Variants in UNC13C observed in about 807,000 individuals in gnomAD.
UNC13C encodes the protein unc-13 homolog C, also known as protein unc-13 homolog C.
In UNC13C, 174 loss-of-function variants were observed where a neutral mutation model predicts 245.4. The ratio of observed to expected loss-of-function variants is 0.71; its 90% CI spans 0.63 to 0.80. The LOEUF is 0.80. Among genes scored for constraint, UNC13C ranks in the 30% least tolerant of loss-of-function variants. UNC13C has a pLI of 0.00. For synonymous variants in UNC13C, 992 were observed against 895.1 expected, an observed-to-expected ratio of 1.11 and a Z score of -1.93; for missense variants, 2,829 against 2,602.9, an observed-to-expected ratio of 1.09 and a Z score of -1.89.
At chr15:54,268,541 G>A (rs546974762) in intron 10 of UNC13C, among the ~76,000 whole-genome samples, 8 of 152,018 alleles carry the variant, frequency 5.3e-5, no homozygotes, top group Non-Finnish European at 1.2e-4. Flanking sequence ...GCTGGATATC[G>A]TAGCATCCTA....
chr15:54,558,331 C>T (rs1897170734), intron 29 of UNC13C, among the ~76,000 whole-genome samples: 1 of 151,908 alleles, frequency 6.6e-6, no homozygotes, highest in Non-Finnish European at 1.5e-5. Flanking sequence ...TTTCCGAGGC[C>T]ATAGCTCTGC....
At chr15:54,586,204 A>G (rs956362574) in intron 30 of UNC13C, among the ~76,000 whole-genome samples, 2 of 152,228 alleles carry the variant, frequency 1.3e-5, no homozygotes, top group African/African-American at 4.8e-5. Context: ...TCTAAAGTAA[A>G]TACCCTAAGA....
intron 2 of UNC13C, among the ~76,000 whole-genome samples, chr15:54,030,022 A>C (rs1456020573): frequency 1.6e-4 from 25 of 152,146 alleles, no homozygotes; most frequent in Admixed American, 1.6e-3. Flanking sequence ...CAGCACACTG[A>C]ACCCAAGTCT....
chr15:54,427,382 T>C (rs1275380058), intron 19 of UNC13C, among the ~76,000 whole-genome samples: 2 of 151,812 alleles, frequency 1.3e-5, no homozygotes, highest in Non-Finnish European at 2.9e-5. Flanking sequence ...GAAGTGCCTT[T>C]CTCTTCCCAC....
intron 24 of UNC13C, among the ~76,000 whole-genome samples, chr15:54,514,849 T>C (rs1438349682): frequency 6.6e-6 from 1 of 152,166 alleles, no homozygotes; most frequent in Non-Finnish European, 1.5e-5. Context: ...TTGTTGACAA[T>C]GGTTCCAAAA....
At chr15:54,269,049 T>A (rs1567148194) in intron 10 of UNC13C, among the ~76,000 whole-genome samples, 1 of 151,070 alleles carries the variant, frequency 6.6e-6, no homozygotes. Flanking sequence ...TTTTTTTAAT[T>A]TTTTATTTTA....
chr15:54,549,612 T>A (rs1896643601), intron 27 of UNC13C, 23 bp from the exon 28 acceptor site: 5 of 1,575,882 alleles, frequency 3.2e-6, no homozygotes, highest in Non-Finnish European at 4.3e-6. Flanking sequence ...CTGAGTCTTC[T>A]CTCACTTTTT....
chr15:54,546,667 T>C, intron 26 of UNC13C, 55 bp from the exon 27 acceptor site: 3 of 1,195,792 alleles, frequency 2.5e-6, no homozygotes, highest in Non-Finnish European at 3.3e-6. Context: ...AAGGCCTAAA[T>C]TGATACCTTG....
chr15:54,154,590 A>G (rs2032661425), intron 4 of UNC13C, among the ~76,000 whole-genome samples: 1 of 152,200 alleles, frequency 6.6e-6, no homozygotes, highest in Admixed American at 6.5e-5. Flanking sequence ...GTTATTTCTC[A>G]TCCATGCAAC....
At chr15:54,525,431 G>T in intron 24 of UNC13C, 118 bp from the exon 25 acceptor site, 12 of 510,840 alleles carry the variant, frequency 2.3e-5, no homozygotes, top group Non-Finnish European at 3.8e-5. Context: ...AAAAAAAGAA[G>T]AGAAAAAAGC....
chr15:54,225,268 G>A (rs116224217), intron 4 of UNC13C, among the ~76,000 whole-genome samples: 3,169 of 151,508 alleles, frequency 0.021, 111 homozygotes, highest in African/African-American at 0.074. Context: ...TGTTCTTTTC[G>A]CTTAGGATAG....
intron 13 of UNC13C, among the ~76,000 whole-genome samples, chr15:54,318,576 T>A (rs2038068565): frequency 6.6e-6 from 1 of 151,950 alleles, no homozygotes; most frequent in Non-Finnish European, 1.5e-5. Context: ...TCGGATTATT[T>A]GTTTTCTTGC....
chr15:54,423,996 G>A (rs2040705609), intron 19 of UNC13C, among the ~76,000 whole-genome samples: 1 of 151,652 alleles, frequency 6.6e-6, no homozygotes, highest in Non-Finnish European at 1.5e-5. Flanking sequence ...TTTTAAAAAG[G>A]AAACAGAAAT....
At chr15:54,407,192 T>C (rs975929493) in intron 18 of UNC13C, among the ~76,000 whole-genome samples, 1 of 152,054 alleles carries the variant, frequency 6.6e-6, no homozygotes, top group East Asian at 1.9e-4. Flanking sequence ...ATATAGAAGA[T>C]GTATCAGAAG....
At chr15:54,132,193 C>T (rs1457381409) in intron 2 of UNC13C, among the ~76,000 whole-genome samples, 1 of 151,020 alleles carries the variant, frequency 6.6e-6, no homozygotes, top group Non-Finnish European at 1.5e-5. Context: ...CCCTCAGCCT[C>T]CTGAGTAGCT....
the UNC13C span, among the ~76,000 whole-genome samples, chr15:53,876,319 C>T: frequency 6.6e-6 from 1 of 152,148 alleles, no homozygotes; most frequent in Non-Finnish European, 1.5e-5. Context: ...GAGGCACCTG[C>T]TCAGCTGAGC....
chr15:53,851,742 G>A, the UNC13C span, among the ~76,000 whole-genome samples: 2,778 of 152,068 alleles, frequency 0.018, 96 homozygotes, highest in African/African-American at 0.064. Flanking sequence ...GCATTGTGAC[G>A]TGGTTGTCCA....
chr15:54,415,255 A>G (rs1430936960), intron 19 of UNC13C, among the ~76,000 whole-genome samples, 188 bp downstream of exon 19: 1 of 152,168 alleles, frequency 6.6e-6, no homozygotes, highest in Non-Finnish European at 1.5e-5. Context: ...CTAAAGAAGT[A>G]TATACATTTT....
chr15:54,064,951 T>C (rs1375342693), intron 2 of UNC13C, among the ~76,000 whole-genome samples: 1 of 152,244 alleles, frequency 6.6e-6, no homozygotes, highest in Non-Finnish European at 1.5e-5. Flanking sequence ...AAATTCACTC[T>C]GCAAGGAATT....
Sources: allele counts gnomAD v4.1 joint callset (sites outside exome capture counted in the v4.1 genomes callset), GRCh38; gene constraint gnomAD v4.1.1; transcripts MANE v1.5; gene names NCBI Gene and HGNC (gene_info 2026-07-23, HGNC 2026-07-21).